PPFIBP2: variants seen among roughly 807,000 people sequenced by gnomAD.
The protein encoded by PPFIBP2 is PPFIB scaffold protein 2, also known as liprin-beta-2.
In PPFIBP2, 118 loss-of-function variants were observed where a neutral mutation model predicts 118.3. That is an observed-to-expected ratio of 1.00 (90% CI 0.86 to 1.16). PPFIBP2 has a LOEUF of 1.16. PPFIBP2 is among the 50% of genes most tolerant of loss of function. The pLI is 0.00. For missense variants in PPFIBP2, 1,195 were observed against 1,073.1 expected (o/e 1.11, Z -1.59); for synonymous variants, 414 against 397.4 (o/e 1.04, Z -0.50).
At chr11:7,517,363 T>C (rs985192953) in intron 1 of PPFIBP2, among the ~76,000 whole-genome samples, 19 of 151,724 alleles carry the variant, frequency 1.3e-4, no homozygotes, top group Non-Finnish European at 2.4e-4. Context: ...CAACTGAGGG[T>C]GTGGAAATAT....
the PPFIBP2 span, among the ~76,000 whole-genome samples, chr11:7,664,120 G>A: frequency 1.6e-3 from 244 of 152,312 alleles, no homozygotes; most frequent in African/African-American, 5.5e-3. Context: ...CGTCGCTCAC[G>A]CTGGGAGCTG....
intron 3 of PPFIBP2, chr11:7,577,149 C>T (rs141843905): frequency 7.0e-4 from 112 of 160,092 alleles, no homozygotes; most frequent in Non-Finnish European, 1.3e-3. Flanking sequence ...CTGTTTCCCT[C>T]TGGCAGGCTC....
intron 5 of PPFIBP2, among the ~76,000 whole-genome samples, chr11:7,603,448 G>C (rs941396493): frequency 6.6e-6 from 1 of 152,142 alleles, no homozygotes; most frequent in Admixed American, 6.5e-5. Context: ...TGCAAGACCT[G>C]GGCCTTTTAC....
rs564706857 is a variant in PPFIBP2, at chr11:7,616,845, C to T, written c.619-4090C>T. Among the ~76,000 whole-genome samples, 24 of 151,844 alleles carry T rather than the reference C, an allele frequency of 1.6e-4. No individual in the cohort carries two copies. The highest frequency in any genetic ancestry group is 4.6e-4 in the African/African-American group (19 of 41,386). ...AGAGTTTCTTCTAGACTCCATGCCT[C>T]GGTGTTGACACAACAATATGGCACA... On this transcript the variant is annotated intron_variant, in intron 6 of 23. Transcript: ENST00000299492. This position sits in a 1 kb window ranked among gnomAD's most constrained non-coding sequence, Gnocchi z 5.2.
At chr11:7,589,614 A>ACC in intron 3 of PPFIBP2, among the ~76,000 whole-genome samples, 1 of 152,080 alleles carries the variant, frequency 6.6e-6, no homozygotes, top group African/African-American at 2.4e-5. Flanking sequence ...CCCCTCCCAA[A>ACC]AAAAAAAAAA....
At chr11:7,650,756 G>T (rs1317411477) in intron 21 of PPFIBP2, 84 bp from the exon 22 acceptor site, 6 of 1,484,388 alleles carry the variant, frequency 4.0e-6, no homozygotes, top group South Asian at 2.6e-5. Context: ...CTGGGGCAGG[G>T]TTACTTACCG....
intron 1 of PPFIBP2, among the ~76,000 whole-genome samples, chr11:7,547,150 G>T (rs895157913): frequency 6.6e-6 from 1 of 152,218 alleles, no homozygotes; most frequent in Non-Finnish European, 1.5e-5. Context: ...CTTTGAAGGG[G>T]CTGCTTTACG....
chr11:7,520,674 A>G (rs1259936075), intron 1 of PPFIBP2, among the ~76,000 whole-genome samples: 1 of 152,218 alleles, frequency 6.6e-6, no homozygotes, highest in African/African-American at 2.4e-5. Flanking sequence ...AAGATGTGAC[A>G]TTCAGTCCCC....
chr11:7,602,817 T>C (rs907457201), intron 5 of PPFIBP2, among the ~76,000 whole-genome samples: 2 of 152,126 alleles, frequency 1.3e-5, no homozygotes, highest in Non-Finnish European at 1.5e-5. Flanking sequence ...GTGACAAATA[T>C]AGGGGATTAA....
chr11:7,591,994 G>C (rs1009450880), intron 3 of PPFIBP2, among the ~76,000 whole-genome samples: 2 of 152,172 alleles, frequency 1.3e-5, no homozygotes, highest in African/African-American at 4.8e-5. Flanking sequence ...CCTAGGACAA[G>C]GTGGCCCAAC....
chr11:7,549,454 G>A lies in PPFIBP2; in HGVS notation c.-22G>A, dbSNP rs1471674351. The A allele has an allele frequency of 7.7e-6, 12 of 1,554,980 alleles. No individual in the cohort carries two copies. The Middle Eastern group carries it at 6.7e-4, about 87-fold the overall frequency. ...TGAATTTTCAGTAAGAAGAGGAGGA[G>A]GCCAGGCAGGCAAAAGGAGTCATGG... On this transcript the variant is annotated 5_prime_UTR_variant, in exon 2 of 24. Coordinates refer to ENST00000299492, the MANE Select transcript of PPFIBP2 (RefSeq NM_003621.5).
chr11:7,663,116 A>G, the PPFIBP2 span, among the ~76,000 whole-genome samples: 2 of 129,542 alleles, frequency 1.5e-5, no homozygotes, highest in Non-Finnish European at 3.6e-5. Flanking sequence ...GCTCAGAGTA[A>G]TTTGATCGTC....
In PPFIBP2 at chr11:7,629,966, C is replaced by T. The variant is rs77471542; in HGVS notation, c.964+432C>T. ...CAGAGGGCCCTCTGGGAGCCTTCCT[C>T]GAGTTGCTGGGCCTGAGTTGCTATA... On this transcript the variant is annotated intron_variant, in intron 10 of 23. Coordinates refer to ENST00000299492, the MANE Select transcript of PPFIBP2 (RefSeq NM_003621.5). 6.7e-3 allele frequency among the ~76,000 whole-genome samples: 1,023 copies of T among 152,308 alleles called. 9 individuals are homozygous for T. The highest frequency in any genetic ancestry group is 0.023 in the African/African-American group (956 of 41,560).
Position 7,641,485 on chromosome 11 carries a change from C to A in PPFIBP2, c.1382C>A (p.Thr461Lys). Residue 461 changes from threonine to lysine, a missense_variant, in exon 16 of 24, where the codon ACA (threonine) becomes AAA (lysine). By Grantham distance (78) the Thr-to-Lys change is moderately conservative. Coordinates refer to ENST00000299492, the MANE Select transcript of PPFIBP2 (RefSeq NM_003621.5). ...TGSSLLRLRD[T>K]ESGWDDTAVV... Reference sequence around the variant, plus strand: ...TGCCTTCTTCCAATCTCAGGAGACACAGAAAGTGGCTGGGACGACACTGCT... The same window carrying A: ...TGCCTTCTTCCAATCTCAGGAGACAAAGAAAGTGGCTGGGACGACACTGCT... 1.2e-6 allele frequency: 2 copies of A among 1,613,906 alleles called. No homozygotes were observed. The highest frequency in any genetic ancestry group is 1.7e-6 in the Non-Finnish European group (2 of 1,179,882).
At chr11:7,591,416 T>C (rs1005720186) in intron 3 of PPFIBP2, among the ~76,000 whole-genome samples, 5 of 132,924 alleles carry the variant, frequency 3.8e-5, no homozygotes, top group Non-Finnish European at 8.4e-5. Context: ...ATCACCATCA[T>C]GTGAGTTCTT....
At chr11:7,576,076 C>T (rs1382604659) in intron 3 of PPFIBP2, among the ~76,000 whole-genome samples, 1 of 152,216 alleles carries the variant, frequency 6.6e-6, no homozygotes, top group African/African-American at 2.4e-5. Flanking sequence ...TTGGGCCCTG[C>T]TTCTGGCCCT....
rs537469732 is a variant in PPFIBP2, at chr11:7,601,067, G to T, written c.486+3394G>T. On this transcript the variant is annotated intron_variant, in intron 5 of 23. Transcript: ENST00000299492. ...TAGCCCAAACCTTGTGCTTAAAGGG[G>T]CTCCAAGAACCCCATTGAGCTGTCT... Among the ~76,000 whole-genome samples the T allele has an allele frequency of 5.9e-5, 9 of 152,274 alleles. No individual in the cohort carries two copies. In the East Asian group the frequency reaches 1.5e-3, roughly 26 times the overall value.
Position 7,565,722 on chromosome 11 carries a change from T to C in PPFIBP2, c.234T>C (p.Pro78=), listed in dbSNP as rs747420987. 61 of 1,614,052 alleles carry C rather than the reference T, an allele frequency of 3.8e-5. No individual in the cohort carries two copies. Among genetic ancestry groups the C allele is most frequent in the Non-Finnish European group, 4.4e-5 (52 of 1,180,024 alleles). The change falls in exon 3 of 24, where the codon CCT becomes CCC. Residue 78 remains proline (P), a synonymous_variant. Coordinates refer to ENST00000299492, the MANE Select transcript of PPFIBP2 (RefSeq NM_003621.5). ...GAGCAGCCCTCCTGAGCCAGATCCC[T>C]GGCCCAACAGCTGCCTACATAAAGG... ...QERAALLSQI[P]GPTAAYIKEW... is the part of the protein sequence containing the mutation.
Position 7,535,733 on chromosome 11 carries a change from CCAGGTGTTACT to C in PPFIBP2, c.-36-13700_-36-13690del, listed in dbSNP as rs1166562816. Among the ~76,000 whole-genome samples the C allele has an allele frequency of 2.6e-4, 39 of 152,134 alleles. 1 individual carries two copies. Among genetic ancestry groups the C allele is most frequent in the Non-Finnish European group, 2.9e-5 (2 of 68,034 alleles). ...TGCGTTCAGACTGCTGTGGGAGAGG[CCAGGTGTTACT>C]CAGGTGAGAGGAGGTTCTCCAGTGC... On this transcript the variant is annotated intron_variant, in intron 1 of 23. Coordinates refer to ENST00000299492, the MANE Select transcript of PPFIBP2 (RefSeq NM_003621.5).
Sources: allele counts gnomAD v4.1 joint callset (sites outside exome capture counted in the v4.1 genomes callset), GRCh38; gene constraint gnomAD v4.1.1; non-coding constraint Gnocchi (gnomAD v3.1); transcripts MANE v1.5; gene names NCBI Gene and HGNC (gene_info 2026-07-23, HGNC 2026-07-21).